The following DLG2 variants were observed in gnomAD, a reference collection of about 807,000 sequenced individuals.
DLG2 encodes the protein disks large homolog 2.
In DLG2, 45 loss-of-function variants were observed where a neutral mutation model predicts 132.5. The ratio of observed to expected loss-of-function variants is 0.34; its 90% CI spans 0.27 to 0.44. The LOEUF is 0.44. DLG2 is among the 20% of genes least tolerant of loss of function. The pLI is 1.00. For synonymous variants in DLG2, 424 were observed against 419.6 expected (o/e 1.01, Z -0.13); for missense variants, 1,045 against 1,196.9 (o/e 0.87, Z 1.87).
chr11:84,899,143 T>G (rs1393812364), intron 6 of DLG2, among the ~76,000 whole-genome samples: 2 of 151,996 alleles, frequency 1.3e-5, no homozygotes, highest in Non-Finnish European at 2.9e-5. Context: ...AACTGATATT[T>G]CACTGAACAG....
At chr11:84,676,600 C>A (rs1478029687) in intron 6 of DLG2, among the ~76,000 whole-genome samples, 3 of 152,052 alleles carry the variant, frequency 2.0e-5, no homozygotes, top group African/African-American at 4.8e-5. Flanking sequence ...GCCAGACATT[C>A]TTCTAGGTGC....
At chr11:84,873,585 G>A (rs962984677) in intron 6 of DLG2, among the ~76,000 whole-genome samples, 1 of 152,236 alleles carries the variant, frequency 6.6e-6, no homozygotes, top group Non-Finnish European at 1.5e-5. Context: ...ACAATCCTGT[G>A]TCAGGTATGC....
rs150830296 is a variant in DLG2, at chr11:83,511,190, G to A, written c.2193+21518C>T. Among the ~76,000 whole-genome samples the A allele has an allele frequency of 4.9e-4, 74 of 151,670 alleles. 1 individual carries two copies. The highest frequency in any genetic ancestry group is 1.7e-3 in the African/African-American group (72 of 41,334). On this transcript the variant is annotated intron_variant, in intron 21 of 27. Coordinates refer to ENST00000376104, the MANE Select transcript of DLG2 (RefSeq NM_001142699.3). ...CTGTACTAGACACTAGTGATCACCG[G>A]GTGAGTCTGTTACTGTAAACCAATT...
At chr11:83,782,849 G>A (rs1007950828) in intron 18 of DLG2, among the ~76,000 whole-genome samples, 1 of 152,086 alleles carries the variant, frequency 6.6e-6, no homozygotes, top group Non-Finnish European at 1.5e-5. Flanking sequence ...AAGGTTTCTG[G>A]GAAGGGTAAG....
At chr11:84,213,047 C>G (rs2096778506) in intron 8 of DLG2, among the ~76,000 whole-genome samples, 1 of 152,156 alleles carries the variant, frequency 6.6e-6, no homozygotes, top group Non-Finnish European at 1.5e-5. Flanking sequence ...TGTTATTATT[C>G]TTTACTTTCA....
chr11:84,650,869 G>GTATATATATA (rs1183546230), intron 6 of DLG2, among the ~76,000 whole-genome samples: 2 of 121,654 alleles, frequency 1.6e-5, no homozygotes, highest in African/African-American at 8.1e-5. Flanking sequence ...GTGTGTGTGT[G>GTATATATATA]TGTGTATATA....
At chr11:85,604,645 G>T (rs1277289796) in intron 2 of DLG2, among the ~76,000 whole-genome samples, 2 of 151,320 alleles carry the variant, frequency 1.3e-5, no homozygotes, top group East Asian at 3.9e-4. Flanking sequence ...AAAAAAAAAA[G>T]CTAAATTTGG....
intron 7 of DLG2, among the ~76,000 whole-genome samples, chr11:84,350,061 C>T (rs1600381970): frequency 1.3e-5 from 2 of 151,484 alleles, no homozygotes; most frequent in Non-Finnish European, 1.5e-5. Flanking sequence ...GCCTGTAGTC[C>T]CAGCTGCTCG....
intron 7 of DLG2, among the ~76,000 whole-genome samples, chr11:84,301,651 C>CAAA (rs753899806): frequency 3.7e-3 from 99 of 26,530 alleles, no homozygotes; most frequent in Middle Eastern, 0.043. Context: ...AGGCGAGACT[C>CAAA]AAAAAAAAAA....
chr11:84,186,763 T>C (rs2096284840), intron 8 of DLG2, among the ~76,000 whole-genome samples: 2 of 152,074 alleles, frequency 1.3e-5, no homozygotes. Context: ...ATTTATATAA[T>C]CAATTTGCCA....
chr11:85,078,080 C>T (rs186044914), intron 6 of DLG2, among the ~76,000 whole-genome samples: 64 of 151,678 alleles, frequency 4.2e-4, no homozygotes, highest in African/African-American at 1.4e-3. Context: ...CATGGAACAC[C>T]CACTGTGAGT....
At chr11:85,604,530 A>G (rs900979397) in intron 2 of DLG2, among the ~76,000 whole-genome samples, 2 of 152,212 alleles carry the variant, frequency 1.3e-5, no homozygotes, top group African/African-American at 2.4e-5. Context: ...TCATATTTTA[A>G]TTGATGTTCA....
rs201697910 is a variant in DLG2 at position 85,316,122 on chromosome 11, A to AT, written c.41-30758dup. ...ACAGCTCGAACAGGTCAAACAGAAG[A>AT]TTTTTTTTTTTAAAGAATGTGAATC... On this transcript the variant is annotated intron_variant, in intron 3 of 27. Coordinates refer to ENST00000376104, the MANE Select transcript of DLG2 (RefSeq NM_001142699.3). Among the ~76,000 whole-genome samples, 88 of 149,044 alleles carry AT rather than the reference A, an allele frequency of 5.9e-4. 1 individual carries two copies. The highest frequency in any genetic ancestry group is 1.7e-3 in the African/African-American group (69 of 40,804).
At chr11:84,288,167 A>C (rs1567186031) in intron 7 of DLG2, among the ~76,000 whole-genome samples, 1 of 152,104 alleles carries the variant, frequency 6.6e-6, no homozygotes, top group Non-Finnish European at 1.5e-5. Context: ...AATTTAGTTA[A>C]TATCACCAAG....
intron 3 of DLG2, among the ~76,000 whole-genome samples, chr11:85,500,069 T>A (rs953066130): frequency 1.3e-5 from 2 of 152,100 alleles, no homozygotes; most frequent in African/African-American, 4.8e-5. Flanking sequence ...CCACTCCTAT[T>A]CAACACAGTG....
chr11:84,317,017 C>A (rs1285230399), intron 7 of DLG2: 27 of 1,612,720 alleles, frequency 1.7e-5, no homozygotes, highest in Non-Finnish European at 2.2e-5. Flanking sequence ...TGTACCCGAG[C>A]CCCTGACAGT....
chr11:84,830,203 T>C (rs1285535179), intron 6 of DLG2, among the ~76,000 whole-genome samples: 1 of 151,562 alleles, frequency 6.6e-6, no homozygotes, highest in Non-Finnish European at 1.5e-5. Flanking sequence ...GAGAAACAGA[T>C]AGAGAACATT....
At chr11:85,052,148 C>A (rs1593271925) in intron 6 of DLG2, among the ~76,000 whole-genome samples, 1 of 152,098 alleles carries the variant, frequency 6.6e-6, no homozygotes, top group African/African-American at 2.4e-5. Flanking sequence ...AGAGAATGTT[C>A]TCTAATGTTG....
intron 14 of DLG2, among the ~76,000 whole-genome samples, chr11:83,943,349 T>G (rs943595296): frequency 6.6e-6 from 1 of 151,306 alleles, no homozygotes; most frequent in Non-Finnish European, 1.5e-5. Flanking sequence ...TACTTTTCAA[T>G]TCAGCCCCAA....
Sources: allele counts gnomAD v4.1 joint callset (sites outside exome capture counted in the v4.1 genomes callset), GRCh38; gene constraint gnomAD v4.1.1; transcripts MANE v1.5; gene names NCBI Gene and HGNC (gene_info 2026-07-23, HGNC 2026-07-21).